KAZN: variants seen among roughly 807,000 people sequenced by gnomAD.
The protein encoded by KAZN is kazrin.
In KAZN, 40 loss-of-function variants were observed where a neutral mutation model predicts 87.4. The observed-to-expected ratio is 0.46, with a 90% CI of 0.36 to 0.60. KAZN has a LOEUF of 0.60. Among genes scored for constraint, KAZN ranks in the 20% least tolerant of loss-of-function variants. The pLI is 0.00. For missense variants in KAZN, 898 were observed against 1,073.9 expected (o/e 0.84, Z 2.29); for synonymous variants, 466 against 458.3 (o/e 1.02, Z -0.22).
At chr1:13,936,202 T>A (rs1182188631) in intron 1 of KAZN, among the ~76,000 whole-genome samples, 2 of 148,106 alleles carry the variant, frequency 1.4e-5, no homozygotes, top group Non-Finnish European at 3.0e-5. Flanking sequence ...GTTCAAGCGA[T>A]TCTCGTGCCT....
chr1:14,605,958 C>A (rs1677323425), intron 1 of KAZN, among the ~76,000 whole-genome samples: 1 of 152,202 alleles, frequency 6.6e-6, no homozygotes, highest in Non-Finnish European at 1.5e-5. Flanking sequence ...TGGATTAATG[C>A]ATTTCAGGAA....
At chr1:14,234,410 G>C (rs899458874) in intron 2 of KAZN, among the ~76,000 whole-genome samples, 1 of 64,574 alleles carries the variant, frequency 1.5e-5, no homozygotes, top group African/African-American at 4.8e-5. Flanking sequence ...GTTAGGGGAT[G>C]GGGGGCTAGG....
At chr1:14,217,584 C>T (rs377108861) in intron 2 of KAZN, among the ~76,000 whole-genome samples, 29 of 151,942 alleles carry the variant, frequency 1.9e-4, no homozygotes, top group East Asian at 1.4e-3. Context: ...ATCCAACATA[C>T]GTATAATAAG....
chr1:14,528,337 CAAAAAAA>C (rs33960231), intron 2 of KAZN, among the ~76,000 whole-genome samples: 36 of 49,358 alleles, frequency 7.3e-4, no homozygotes, highest in Admixed American at 6.0e-3. Flanking sequence ...GACTCCATCT[CAAAAAAA>C]AAAAAAAAAA....
intron 1 of KAZN, among the ~76,000 whole-genome samples, chr1:14,754,654 C>T (rs933432655): frequency 1.3e-5 from 2 of 152,012 alleles, no homozygotes; most frequent in East Asian, 3.9e-4. Context: ...AATTCAAATT[C>T]ATTAATCCAG....
intron 1 of KAZN, among the ~76,000 whole-genome samples, chr1:13,915,416 T>A (rs1356497532): frequency 6.6e-6 from 1 of 152,244 alleles, no homozygotes; most frequent in African/African-American, 2.4e-5. Flanking sequence ...GTTGTAAGTA[T>A]AATTTATAAT....
intron 1 of KAZN, among the ~76,000 whole-genome samples, chr1:14,034,125 A>G (rs1641441839): frequency 6.6e-6 from 1 of 152,230 alleles, no homozygotes. Context: ...TGGGTAATAG[A>G]TAAATGTTCC....
intron 1 of KAZN, among the ~76,000 whole-genome samples, chr1:14,837,652 A>G (rs1647423945): frequency 6.6e-6 from 1 of 150,754 alleles, no homozygotes; most frequent in South Asian, 2.1e-4. Flanking sequence ...TCCTAGGCTC[A>G]AGAGATCCTC....
chr1:14,910,061 T>TAAATAAATAATGAATGAATG (rs71000348), intron 1 of KAZN, among the ~76,000 whole-genome samples: 1 of 147,240 alleles, frequency 6.8e-6, no homozygotes, highest in Non-Finnish European at 1.5e-5. Context: ...AATAAATAAA[T>TAAATAAATAATGAATGAATG]AATGAATGAA....
intron 1 of KAZN, among the ~76,000 whole-genome samples, chr1:14,132,945 T>C (rs1041929): frequency 0.57 from 87,143 of 151,946 alleles, 26,298 homozygotes; most frequent in East Asian, 0.76. Context: ...CTCATTACAA[T>C]AGGAAAGATG....
At chr1:13,908,335 T>C (rs1174432693) in intron 1 of KAZN, among the ~76,000 whole-genome samples, 1 of 152,218 alleles carries the variant, frequency 6.6e-6, no homozygotes, top group Non-Finnish European at 1.5e-5. Context: ...AGAGAGGTCA[T>C]GAGAAAGCTA....
intron 2 of KAZN, among the ~76,000 whole-genome samples, chr1:15,013,396 A>C (rs1007355646): frequency 3.3e-5 from 5 of 152,180 alleles, no homozygotes; most frequent in Non-Finnish European, 5.9e-5. Context: ...AAAGAGCATA[A>C]GAAAAAAATT....
At chr1:15,052,974 C>T (rs1018249436) in intron 4 of KAZN, among the ~76,000 whole-genome samples, 4 of 152,338 alleles carry the variant, frequency 2.6e-5, no homozygotes, top group Non-Finnish European at 5.9e-5. Context: ...CACTCCTTCC[C>T]GTGCTCCCTC....
intron 1 of KAZN, among the ~76,000 whole-genome samples, chr1:14,699,474 G>A (rs1641800362): frequency 6.6e-6 from 1 of 152,240 alleles, no homozygotes; most frequent in African/African-American, 2.4e-5. Context: ...GTGAGTGGAA[G>A]CTGACTGGTG....
intron 2 of KAZN, among the ~76,000 whole-genome samples, chr1:14,990,215 T>A (rs1667217573): frequency 6.6e-6 from 1 of 152,022 alleles, no homozygotes; most frequent in South Asian, 2.1e-4. Context: ...TGTTTTTGTT[T>A]GTTTGTTTGT....
intron 2 of KAZN, among the ~76,000 whole-genome samples, chr1:14,522,745 ATATAG>A (rs1671653232): frequency 6.6e-6 from 1 of 152,246 alleles, no homozygotes. Context: ...ATCGGAGAAA[ATATAG>A]ATCTTTTGTG....
At chr1:14,486,671 C>G (rs1455357937) in intron 2 of KAZN, among the ~76,000 whole-genome samples, 1 of 152,186 alleles carries the variant, frequency 6.6e-6, no homozygotes, top group African/African-American at 2.4e-5. Context: ...AGCAGATAGA[C>G]ATTTTGATAA....
chr1:14,231,314 C>A (rs1647808024), intron 2 of KAZN, among the ~76,000 whole-genome samples: 1 of 151,942 alleles, frequency 6.6e-6, no homozygotes, highest in South Asian at 2.1e-4. Context: ...TAACAGAAAA[C>A]AAACAAACAA....
chr1:14,497,312 T>C (rs1669994596), intron 2 of KAZN, among the ~76,000 whole-genome samples: 1 of 145,340 alleles, frequency 6.9e-6, no homozygotes, highest in Non-Finnish European at 1.5e-5. Context: ...TGGTCTTTTC[T>C]ATGCTTTACT....
Sources: allele counts gnomAD v4.1 joint callset (sites outside exome capture counted in the v4.1 genomes callset), GRCh38; gene constraint gnomAD v4.1.1; transcripts MANE v1.5; gene names NCBI Gene and HGNC (gene_info 2026-07-23, HGNC 2026-07-21).